The following BBS9 variants were observed in gnomAD, a reference collection of about 807,000 sequenced individuals.
The protein encoded by BBS9 is protein PTHB1.
BBS9 carries 89 observed loss-of-function variants against 117.7 expected under a neutral mutation model. The ratio of observed to expected loss-of-function variants is 0.76; its 90% CI spans 0.64 to 0.90. BBS9 has a LOEUF of 0.90. BBS9 is among the 40% of genes least tolerant of loss of function. The pLI is 0.00. For synonymous variants in BBS9, 379 were observed against 370.9 expected (o/e 1.02, Z -0.25); for missense variants, 982 against 1,042.2 (o/e 0.94, Z 0.80).
At chr7:33,299,039 G>GT (rs1805838097) in intron 9 of BBS9, among the ~76,000 whole-genome samples, 1 of 152,178 alleles carries the variant, frequency 6.6e-6, no homozygotes, top group Admixed American at 6.5e-5. Flanking sequence ...ATGGTTATCT[G>GT]TTTAGTGCTG....
chr7:33,437,168 G>A (rs1835421012), intron 19 of BBS9, among the ~76,000 whole-genome samples: 1 of 152,200 alleles, frequency 6.6e-6, no homozygotes, highest in Admixed American at 6.5e-5. Flanking sequence ...GTCTAGAAGG[G>A]TAATTAGAAA....
At chr7:33,273,993 T>A in intron 9 of BBS9, 37 bp downstream of exon 9, 1 of 1,607,804 alleles carries the variant, frequency 6.2e-7, no homozygotes, top group Non-Finnish European at 8.5e-7. Context: ...TTAAAGAGGA[T>A]GTTAGTCAAG....
At chr7:33,327,213 G>A (rs1240132121) in intron 9 of BBS9, among the ~76,000 whole-genome samples, 1 of 152,180 alleles carries the variant, frequency 6.6e-6, no homozygotes, top group Admixed American at 6.5e-5. Context: ...TGAAAATGAG[G>A]TGGAGGAACA....
chr7:33,202,836 A>G lies in BBS9; in HGVS notation c.442+25245A>G, dbSNP rs372541757. Among the ~76,000 whole-genome samples the G allele has an allele frequency of 5.3e-5, 8 of 152,312 alleles. No individual in the cohort carries two copies. The East Asian group carries it at 1.3e-3, about 26-fold the overall frequency. ...GAACACAAGTCCAAACCATATCAAC[A>G]TGGCTCTCCTGTTATCATCCAAAAC... is the stretch of plus-strand genomic sequence containing the variant. On this transcript the variant is annotated intron_variant, in intron 5 of 22. Transcript: ENST00000242067.
chr7:33,159,227 A>G (rs1400732975), intron 4 of BBS9, among the ~76,000 whole-genome samples: 1 of 152,178 alleles, frequency 6.6e-6, no homozygotes, highest in Non-Finnish European at 1.5e-5. Flanking sequence ...ATTTTGAGAG[A>G]TTGACCACAA....
rs561722062 is a variant in BBS9 at position 33,137,903 on chromosome 7, C to T, written c.-12+7862C>T. Among the ~76,000 whole-genome samples the T allele has an allele frequency of 2.6e-5, 4 of 152,248 alleles. No individual in the cohort carries two copies. The South Asian group carries it at 8.3e-4, about 32-fold the overall frequency. On this transcript the variant is annotated intron_variant, in intron 1 of 22. Transcript: ENST00000242067. ...ATGCATGACCTTATGTTTGCCCTGG[C>T]ATGAAAGTCATTGTTGTTGCTCTGA...
At chr7:33,599,339 C>T (rs1863430763) in intron 21 of BBS9, among the ~76,000 whole-genome samples, 1 of 152,092 alleles carries the variant, frequency 6.6e-6, no homozygotes, top group South Asian at 2.1e-4. Flanking sequence ...TTGAAACCTA[C>T]CCTGCCTATC....
rs549996724 is a variant in BBS9 at position 33,151,491 on chromosome 7, C to T, written c.113-1210C>T. 2.5e-3 allele frequency among the ~76,000 whole-genome samples: 385 copies of T among 152,174 alleles called. 3 individuals carry two copies. The highest frequency in any genetic ancestry group is 8.8e-3 in the African/African-American group (366 of 41,506). On this transcript the variant is annotated intron_variant, in intron 2 of 22. Transcript: ENST00000242067. Reference sequence around the variant, plus strand: ...ACAGGAATGGGCATGGCTCCAGAGACCTTGTAAGCCTCCAGTATTGAAGTT... The same window carrying T: ...ACAGGAATGGGCATGGCTCCAGAGATCTTGTAAGCCTCCAGTATTGAAGTT...
chr7:33,443,590 G>A (rs538795496), intron 19 of BBS9, among the ~76,000 whole-genome samples: 146 of 152,248 alleles, frequency 9.6e-4, no homozygotes, highest in African/African-American at 3.4e-3. Context: ...TTGACATTTT[G>A]CTTTACTTTG....
At chr7:33,400,059 A>C (rs1346990521) in intron 19 of BBS9, among the ~76,000 whole-genome samples, 1 of 152,002 alleles carries the variant, frequency 6.6e-6, no homozygotes, top group Non-Finnish European at 1.5e-5. Flanking sequence ...TCTGCTTGCT[A>C]GTGTTAGCTT....
At chr7:33,537,261 C>T (rs748737540) in intron 21 of BBS9, among the ~76,000 whole-genome samples, 1 of 152,168 alleles carries the variant, frequency 6.6e-6, no homozygotes, top group Non-Finnish European at 1.5e-5. Flanking sequence ...TTTATGAGCC[C>T]AGCACCTTGG....
At chr7:33,138,766 G>C (rs867734481) in intron 1 of BBS9, among the ~76,000 whole-genome samples, 12 of 150,502 alleles carry the variant, frequency 8.0e-5, no homozygotes, top group Middle Eastern at 3.4e-3. Flanking sequence ...TTTTTTGGTG[G>C]GGGGGAAAGA....
chr7:33,276,337 AC>A (rs1800763183), intron 9 of BBS9, among the ~76,000 whole-genome samples: 1 of 152,230 alleles, frequency 6.6e-6, no homozygotes, highest in African/African-American at 2.4e-5. Context: ...TATCATAGTC[AC>A]ATCTTAAATC....
intron 5 of BBS9, among the ~76,000 whole-genome samples, chr7:33,192,600 C>T (rs564581975): frequency 3.3e-5 from 5 of 152,264 alleles, no homozygotes; most frequent in South Asian, 2.1e-4. Flanking sequence ...AAATGACTTT[C>T]GTTACATTAA....
intron 21 of BBS9, among the ~76,000 whole-genome samples, chr7:33,575,263 A>G (rs979486346): frequency 2.6e-5 from 4 of 152,102 alleles, no homozygotes; most frequent in Admixed American, 6.6e-5. Flanking sequence ...CATGGGTTCA[A>G]TCATGCTGTC....
intron 21 of BBS9, among the ~76,000 whole-genome samples, chr7:33,553,757 G>A (rs555933287): frequency 2.0e-4 from 31 of 152,220 alleles, no homozygotes; most frequent in African/African-American, 6.7e-4. Flanking sequence ...ATTTTTAAAA[G>A]TTTAACAGAT....
At chr7:33,184,108 A>G (rs552443281) in intron 5 of BBS9, among the ~76,000 whole-genome samples, 1 of 150,080 alleles carries the variant, frequency 6.7e-6, no homozygotes, top group African/African-American at 2.5e-5. Context: ...AGAGAGAGAG[A>G]GAGAGAGAGA....
At chr7:33,346,238 T>C (rs1399770875) in intron 12 of BBS9, 2 of 470,068 alleles carry the variant, frequency 4.3e-6, no homozygotes, top group East Asian at 7.0e-5. Context: ...AGCCAAGATA[T>C]ACAACCATGC....
intron 19 of BBS9, among the ~76,000 whole-genome samples, chr7:33,418,196 A>T (rs1832310142): frequency 6.6e-6 from 1 of 152,154 alleles, no homozygotes; most frequent in South Asian, 2.1e-4. Context: ...TAGGTTTTTG[A>T]TTACAAATGT....
Sources: gnomAD v4.1 joint callset for allele counts (sites outside exome capture counted in the v4.1 genomes callset) on GRCh38, gnomAD v4.1.1 for gene constraint, MANE v1.5 for transcripts, NCBI Gene and HGNC (gene_info 2026-07-23, HGNC 2026-07-21) for gene names.